The following CPNE4 variants were observed in gnomAD, a reference collection of about 807,000 sequenced individuals.
CPNE4 encodes copine 4.
CPNE4 carries 25 observed loss-of-function variants against 67.9 expected under a neutral mutation model. That is an observed-to-expected ratio of 0.37 (90% CI 0.27 to 0.51). The LOEUF is 0.51. Among genes scored for constraint, CPNE4 ranks in the 20% least tolerant of loss-of-function variants. The pLI is 0.93. For missense variants in CPNE4, 464 were observed against 690.8 expected (o/e 0.67, Z 3.68); for synonymous variants, 242 against 244.9 (o/e 0.99, Z 0.11).
chr3:131,971,946 TC>T (rs2072514154), intron 1 of CPNE4, among the ~76,000 whole-genome samples: 1 of 152,206 alleles, frequency 6.6e-6, no homozygotes, highest in Non-Finnish European at 1.5e-5. Context: ...TGCATTTAGC[TC>T]AGTGTCTGGC....
At chr3:131,575,865 C>T (rs1406009297) in intron 9 of CPNE4, among the ~76,000 whole-genome samples, 2 of 151,748 alleles carry the variant, frequency 1.3e-5, no homozygotes, top group African/African-American at 2.4e-5. Context: ...ATGGTTGTTG[C>T]GTTATGCCAA....
chr3:131,981,553 C>G (rs2072910056), intron 1 of CPNE4, among the ~76,000 whole-genome samples: 1 of 152,178 alleles, frequency 6.6e-6, no homozygotes. Flanking sequence ...TTGGTTCTTC[C>G]CCTGCCTGTG....
At chr3:131,913,977 C>T (rs1030521138) in intron 1 of CPNE4, among the ~76,000 whole-genome samples, 1 of 152,172 alleles carries the variant, frequency 6.6e-6, no homozygotes, top group African/African-American at 2.4e-5. Context: ...GTGATCATTG[C>T]TGTTGTTTTT....
intron 1 of CPNE4, among the ~76,000 whole-genome samples, chr3:131,909,142 T>G (rs560730786): frequency 6.6e-6 from 1 of 152,302 alleles, no homozygotes; most frequent in East Asian, 1.9e-4. Flanking sequence ...ACACTCATCT[T>G]TTAAATCAGT....
At chr3:131,737,653 C>T (rs923176671) in intron 2 of CPNE4, among the ~76,000 whole-genome samples, 14 of 152,144 alleles carry the variant, frequency 9.2e-5, no homozygotes, top group Non-Finnish European at 1.3e-4. Context: ...GGACTTCAAG[C>T]GTTTATCATG....
chr3:131,624,207 C>G (rs1940620102), intron 7 of CPNE4, among the ~76,000 whole-genome samples: 1 of 152,216 alleles, frequency 6.6e-6, no homozygotes, highest in Non-Finnish European at 1.5e-5. Context: ...TTGCTTATCT[C>G]ACGCACCAAG....
intron 1 of CPNE4, among the ~76,000 whole-genome samples, chr3:132,025,239 C>T (rs2107694780): frequency 6.6e-6 from 1 of 152,264 alleles, no homozygotes; most frequent in South Asian, 2.1e-4. Flanking sequence ...GGGACAAGGG[C>T]AGGGGAAACA....
chr3:131,626,602 G>C (rs1405644458), intron 7 of CPNE4, among the ~76,000 whole-genome samples: 1 of 152,202 alleles, frequency 6.6e-6, no homozygotes, highest in African/African-American at 2.4e-5. Flanking sequence ...AAGGAAAGAA[G>C]CTGTCTCCAT....
chr3:132,037,408 T>G (rs924411844), upstream of CPNE4: 3 of 634,278 alleles, frequency 4.7e-6, no homozygotes, highest in Non-Finnish European at 8.3e-6. Context: ...CCACCTCTTA[T>G]ATGAAATCAA....
At chr3:131,643,111 A>G in intron 7 of CPNE4, among the ~76,000 whole-genome samples, 1 of 152,214 alleles carries the variant, frequency 6.6e-6, no homozygotes, top group Non-Finnish European at 1.5e-5. Flanking sequence ...TGGACAATTA[A>G]TTCCAGGCTG....
chr3:131,902,527 A>G (rs768392477), intron 2 of CPNE4, among the ~76,000 whole-genome samples: 3 of 152,126 alleles, frequency 2.0e-5, no homozygotes, highest in Non-Finnish European at 4.4e-5. Flanking sequence ...AAGTGAAAAA[A>G]TTGATGAATT....
intron 2 of CPNE4, among the ~76,000 whole-genome samples, chr3:131,784,935 T>C (rs755461056): frequency 1.4e-4 from 21 of 152,128 alleles, no homozygotes; most frequent in Non-Finnish European, 2.4e-4. Flanking sequence ...ATGAAGACTG[T>C]AGAAAGAACT....
intron 7 of CPNE4, among the ~76,000 whole-genome samples, chr3:131,631,978 G>C (rs936961005): frequency 6.7e-6 from 1 of 149,884 alleles, no homozygotes; most frequent in Non-Finnish European, 1.5e-5. Flanking sequence ...CCAGCTTCTC[G>C]GGAGGCTGAG....
chr3:132,010,741 A>T (rs1169425865), intron 1 of CPNE4, among the ~76,000 whole-genome samples: 1 of 152,210 alleles, frequency 6.6e-6, no homozygotes, highest in Non-Finnish European at 1.5e-5. Context: ...AAATCAGGCC[A>T]GACATAGCCA....
chr3:131,597,975 T>C (rs952349157), intron 7 of CPNE4, among the ~76,000 whole-genome samples: 6 of 152,112 alleles, frequency 3.9e-5, no homozygotes, highest in African/African-American at 7.2e-5. Context: ...ATTCTCTGAG[T>C]GTTTGGCCCT....
intron 8 of CPNE4, among the ~76,000 whole-genome samples, chr3:131,581,978 A>C (rs1161728450): frequency 1.3e-5 from 2 of 152,170 alleles, no homozygotes; most frequent in African/African-American, 4.8e-5. Flanking sequence ...ATCTCATAGG[A>C]TTATTGTGAA....
intron 7 of CPNE4, among the ~76,000 whole-genome samples, chr3:131,623,827 C>CA (rs1223593705): frequency 6.6e-6 from 1 of 152,196 alleles, no homozygotes; most frequent in Non-Finnish European, 1.5e-5. Context: ...TAAACCAGTT[C>CA]AGTTGGCTGA....
intron 7 of CPNE4, among the ~76,000 whole-genome samples, chr3:131,607,887 T>G (rs1178823340): frequency 6.6e-6 from 1 of 152,196 alleles, no homozygotes; most frequent in East Asian, 1.9e-4. Context: ...GGGCACAAAA[T>G]TTAAGGAAGC....
chr3:131,847,984 CTCT>C (rs1185488144), intron 2 of CPNE4, among the ~76,000 whole-genome samples: 5 of 152,276 alleles, frequency 3.3e-5, no homozygotes, highest in African/African-American at 9.6e-5. Flanking sequence ...CTCCTAAACA[CTCT>C]TCTTCTTCAT....
Sources: gnomAD v4.1 joint callset for allele counts (sites outside exome capture counted in the v4.1 genomes callset) on GRCh38, gnomAD v4.1.1 for gene constraint, MANE v1.5 for transcripts, NCBI Gene and HGNC (gene_info 2026-07-23, HGNC 2026-07-21) for gene names.